The following SPRED3 variants were observed in gnomAD, a reference collection of about 807,000 sequenced individuals.
SPRED3 encodes the protein sprouty-related, EVH1 domain-containing protein 3.
A neutral mutation model predicts 37.6 loss-of-function variants in SPRED3; 23 were observed. That is an observed-to-expected ratio of 0.61 (90% CI 0.44 to 0.87). The LOEUF is 0.87. Ranked by LOEUF, SPRED3 falls within the 40% of genes least tolerant of loss-of-function variation. The pLI is 0.00. For synonymous variants in SPRED3, 302 were observed against 279.6 expected (o/e 1.08, Z -0.80); for missense variants, 584 against 618.6 (o/e 0.94, Z 0.59).
chr19:38,390,149 G>A (rs1970809442), intron 1 of SPRED3, 150 bp from the exon 2 acceptor site: 1 of 621,670 alleles, frequency 1.6e-6, no homozygotes, highest in Admixed American at 4.3e-5. Context: ...CCATGGGGTT[G>A]AAGGTGGGTA....
chr19:38,397,137 T>G lies in SPRED3; in HGVS notation c.*992T>G, dbSNP rs1010871904. 1 of 152,068 alleles carries G rather than the reference T, an allele frequency of 6.6e-6. No homozygotes were observed. The highest frequency in any genetic ancestry group is 2.4e-5 in the African/African-American group (1 of 41,414). 9.4% of individuals were successfully genotyped at this position (152,068 alleles called of 1,614,324 possible). A position where few individuals can be genotyped will look rare whatever the true frequency, so the allele number is the denominator to read the frequency against. ...TGTGCGACTGAAGGCCACCAACACCTCAGGACCCGAGATACTGGTCTCGAG... is the reference window on the plus strand; with the variant it reads ...TGTGCGACTGAAGGCCACCAACACCGCAGGACCCGAGATACTGGTCTCGAG... On this transcript the variant is annotated 3_prime_UTR_variant, in exon 6 of 6. Transcript: ENST00000691638.
rs1032400452 is a variant in SPRED3, at chr19:38,394,616, C to T, written c.424-27C>T. The T allele has an allele frequency of 1.3e-5, 21 of 1,574,610 alleles. No individual in the cohort carries two copies. The African/African-American group carries it at 2.0e-4, about 15-fold the overall frequency. On this transcript the variant is annotated intron_variant, in intron 4 of 5. Coordinates refer to ENST00000691638, the MANE Select transcript of SPRED3 (RefSeq NM_001394336.1). Reference sequence around the variant, plus strand: ...CATCGGCTGTGCGGGGGCGTGTCCCCGCGCTGAGGCCGCCAATCTCCTCCA... The same window carrying T: ...CATCGGCTGTGCGGGGGCGTGTCCCTGCGCTGAGGCCGCCAATCTCCTCCA...
rs557789493 is a variant in SPRED3, at chr19:38,395,003, T to C, written c.567+217T>C. On this transcript the variant is annotated intron_variant, in intron 5 of 5. Transcript: ENST00000691638. This position sits in a 1 kb window ranked among gnomAD's most constrained non-coding sequence, Gnocchi z 5.2. ...TTGGGTGCGGGCCTCCCGAGTCTCCTTGCGCTCTTGGAGATTTTGAGGGGT... is the reference window on the plus strand; with the variant it reads ...TTGGGTGCGGGCCTCCCGAGTCTCCCTGCGCTCTTGGAGATTTTGAGGGGT... Among the ~76,000 whole-genome samples, 1 of 152,296 alleles carries C rather than the reference T, an allele frequency of 6.6e-6. No homozygotes were observed. The highest frequency in any genetic ancestry group is 1.5e-5 in the Non-Finnish European group (1 of 68,010).
chr19:38,394,794 C>T lies in SPRED3; in HGVS notation c.567+8C>T, dbSNP rs1274321423. 6.5e-7 allele frequency: 1 copy of T among 1,545,070 alleles called. No homozygotes were observed. The stretch of plus-strand genomic sequence containing the variant: ...CGCCGCTCCTCCGCTCAGGTGCGAC[C>T]TGGGAGCCTGGGGCTCCTGGGGGAA... On this transcript the variant is annotated splice_region_variant and intron_variant, in intron 5 of 5. Transcript: ENST00000691638.
At chr19:38,389,231 C>T (rs1037104737) in intron 1 of SPRED3, among the ~76,000 whole-genome samples, 4 of 152,144 alleles carry the variant, frequency 2.6e-5, no homozygotes, top group Admixed American at 2.0e-4. Context: ...CGTGACTGCT[C>T]ATTCACAAAA....
intron 2 of SPRED3, among the ~76,000 whole-genome samples, chr19:38,391,729 C>T (rs532026853): frequency 3.9e-4 from 60 of 152,254 alleles, no homozygotes; most frequent in Non-Finnish European, 5.9e-4. Flanking sequence ...CACCACTGCA[C>T]TCCAGCCTGG....
rs1555746736 is a variant in SPRED3 at position 38,395,719 on chromosome 19, GC to G, written c.813del (p.Ala272LeufsTer58). ...CTTTGACCGAGGCTGCGCCCCCAGC[GC>G]CCCCCGCTCGCCCACCCCCCGGCCC... ...APLTEAAPPA[P>X]PARPPPGPGP... On this transcript the variant is annotated frameshift_variant, in exon 6 of 6. Coordinates refer to ENST00000691638, the MANE Select transcript of SPRED3 (RefSeq NM_001394336.1). LOFTEE classifies it high-confidence loss of function. The surrounding 1 kb of genome is among the most constrained non-coding windows in gnomAD (Gnocchi z 5.2). The G allele has an allele frequency of 2.8e-6, 4 of 1,447,214 alleles. No individual in the cohort carries two copies. The highest frequency in any genetic ancestry group is 2.8e-5 in the South Asian group (2 of 71,716). 89.6% of individuals were successfully genotyped at this position (1,447,214 alleles called of 1,614,324 possible). A position where few individuals can be genotyped will look rare whatever the true frequency, so the allele number is the denominator to read the frequency against.
Position 38,390,374 on chromosome 19 carries a change from G to T in SPRED3, c.72G>T (p.Gly24=). 1 of 1,392,866 alleles carries T rather than the reference G, an allele frequency of 7.2e-7. No homozygotes were observed. Among genetic ancestry groups the T allele is most frequent in the Non-Finnish European group, 9.4e-7 (1 of 1,068,064 alleles). 86.3% of individuals were successfully genotyped at this position (1,392,866 alleles called of 1,614,324 possible). The change falls in exon 2 of 6, where the codon GGG becomes GGT. Residue 24 remains glycine, a synonymous_variant. Coordinates refer to ENST00000691638, the MANE Select transcript of SPRED3 (RefSeq NM_001394336.1). ...SSGGWLPVGG[G]GLSQVSVCRV... The stretch of plus-strand genomic sequence containing the variant: ...GGGGCTGGCTGCCTGTGGGGGGCGG[G>T]GGCCTCAGCCAGGTGAGCGTGTGTC...
chr19:38,394,477 G>A, intron 4 of SPRED3, 166 bp from the exon 5 acceptor site: 7 of 1,493,636 alleles, frequency 4.7e-6, no homozygotes, highest in South Asian at 3.4e-5. Context: ...GCTCAAAGAG[G>A]TGAGCTCACT....
rs912053763 is a variant in SPRED3, at chr19:38,396,245, C to T, written c.*100C>T. On this transcript the variant is annotated 3_prime_UTR_variant, in exon 6 of 6. Transcript: ENST00000691638. ...CCTAAAACCCAAACCTAGGCACATC[C>T]GGAACTTGGAGCTTGAGTTTGGATT... 1 of 886,146 alleles carries T rather than the reference C, an allele frequency of 1.1e-6. No homozygotes were observed. 54.9% of individuals were successfully genotyped at this position (886,146 alleles called of 1,614,324 possible).
intron 4 of SPRED3, chr19:38,394,357 C>A: frequency 6.4e-7 from 1 of 1,568,162 alleles, no homozygotes; most frequent in Non-Finnish European, 8.7e-7. Context: ...ATAACCATTT[C>A]CAGCTCTCCC....
chr19:38,394,538 G>A lies in SPRED3; in HGVS notation c.424-105G>A. On this transcript the variant is annotated intron_variant, in intron 4 of 5. Transcript: ENST00000691638. ...TGACAGAGCCGGGGTTTGAACCCAG[G>A]CCTTCCTGGCCGCAGAGCCCTCGCT... is the stretch of plus-strand genomic sequence containing the variant. The A allele has an allele frequency of 3.2e-6, 5 of 1,560,374 alleles. No individual in the cohort carries two copies. The South Asian group carries it at 5.8e-5, about 18-fold the overall frequency.
rs1970930382 is a variant in SPRED3, at chr19:38,398,909, C to T, written c.*2764C>T. 6.6e-6 allele frequency: 1 copy of T among 152,244 alleles called. No homozygotes were observed. Among genetic ancestry groups the T allele is most frequent in the Admixed American group, 6.5e-5 (1 of 15,294 alleles). 9.4% of individuals were successfully genotyped at this position (152,244 alleles called of 1,614,324 possible). On this transcript the variant is annotated 3_prime_UTR_variant, in exon 6 of 6. Coordinates refer to ENST00000691638, the MANE Select transcript of SPRED3 (RefSeq NM_001394336.1). ...TGAGATTCAGCACTCCCAACCAGAC[C>T]CTGGGATGGGTGAGAGAAAAGCGGG...
intron 4 of SPRED3, among the ~76,000 whole-genome samples, chr19:38,393,495 C>G (rs955146264): frequency 1.3e-5 from 2 of 151,788 alleles, no homozygotes; most frequent in African/African-American, 4.8e-5. Flanking sequence ...TTACAGGCAC[C>G]CAGCTATTTT....
intron 4 of SPRED3, 43 bp from the exon 5 acceptor site, chr19:38,394,600 T>G: frequency 1.3e-6 from 2 of 1,564,252 alleles, no homozygotes; most frequent in South Asian, 1.2e-5. Context: ...GCATCGGCTG[T>G]GCGGGGGCGT....
chr19:38,390,763 T>TCC (rs1970819848), intron 2 of SPRED3, among the ~76,000 whole-genome samples: 3 of 71,326 alleles, frequency 4.2e-5, no homozygotes, highest in Admixed American at 1.5e-4. Flanking sequence ...CAGGGGGCAC[T>TCC]GCCCCCCCCC....
chr19:38,392,240 C>T lies in SPRED3; in HGVS notation c.375C>T (p.Ser125=). The change falls in exon 4 of 6, where the codon TCC becomes TCT. Residue 125 remains serine, a synonymous_variant. Transcript: ENST00000691638. ...CACTCACCCCCTCCTCCTCCTCCTC[C>T]TCCTCCTCTCCTTCCCAGGATACTG... ...RGSLTPSSSS[S]SSSPSQDTAE... The T allele has an allele frequency of 1.3e-6, 2 of 1,597,130 alleles. No individual in the cohort carries two copies. The highest frequency in any genetic ancestry group is 1.7e-6 in the Non-Finnish European group (2 of 1,171,474).
chr19:38,393,588 G>C (rs6508792), intron 4 of SPRED3, among the ~76,000 whole-genome samples: 3,581 of 151,948 alleles, frequency 0.024, 53 homozygotes, highest in South Asian at 0.045. Context: ...TGCCCGCTTT[G>C]GCCTCCCAAA....
Position 38,392,287 on chromosome 19 carries a change from C to T in SPRED3, c.422C>T (p.Thr141Met), listed in dbSNP as rs1317334470. The change falls in exon 4 of 6, where the codon ACG (threonine) becomes ATG (methionine). Residue 141 changes from threonine to methionine, a missense_variant and splice_region_variant. Physicochemically the swap from Thr to Met is moderately conservative, Grantham distance 81. This residue lies in a region of SPRED3 where 310 missense variants were observed against 281.1 expected (regional missense o/e 1.10). Coordinates refer to ENST00000691638, the MANE Select transcript of SPRED3 (RefSeq NM_001394336.1). ...QDTAETPCPL[T>M]SHVDSDSSSS... ...ACTGCAGAGACCCCCTGCCCTCTGA[C>T]GGTGAGTGTCCAGGATGCCTCTCTG... 2.0e-5 allele frequency: 31 copies of T among 1,552,302 alleles called. No homozygotes were observed. The highest frequency in any genetic ancestry group is 4.8e-5 in the South Asian group (4 of 83,604).
Sources: gnomAD v4.1 joint callset for allele counts (sites outside exome capture counted in the v4.1 genomes callset) on GRCh38, gnomAD v4.1.1 for gene constraint, gnomAD v4.1.1 regional missense constraint, Gnocchi (gnomAD v3.1) non-coding constraint, MANE v1.5 for transcripts, NCBI Gene and HGNC (gene_info 2026-07-23, HGNC 2026-07-21) for gene names.